Variants in CDC42EP3 observed in about 807,000 individuals in gnomAD.
The protein encoded by CDC42EP3 is CDC42 effector protein 3, also known as CDC42 effector protein (Rho GTPase binding) 3.
A neutral mutation model predicts 15.5 loss-of-function variants in CDC42EP3; 4 were observed. That is an observed-to-expected ratio of 0.26 (90% CI 0.13 to 0.59). CDC42EP3 has a LOEUF of 0.59. CDC42EP3 is among the 20% of genes least tolerant of loss of function. The pLI, the probability that CDC42EP3 is intolerant of heterozygous loss-of-function variation, is 0.89. For synonymous variants in CDC42EP3, 145 were observed against 130.3 expected (o/e 1.11, Z -0.77); for missense variants, 309 against 311.2 (o/e 0.99, Z 0.05).
intron 1 of CDC42EP3, among the ~76,000 whole-genome samples, chr2:37,650,766 T>C (rs1665647392): frequency 6.6e-6 from 1 of 152,192 alleles, no homozygotes; most frequent in Admixed American, 6.5e-5. Context: ...AAAACACAAA[T>C]GTGTGGCAAT....
chr2:37,654,564 G>A (rs1434927328), intron 1 of CDC42EP3, among the ~76,000 whole-genome samples: 2 of 152,076 alleles, frequency 1.3e-5, no homozygotes, highest in Non-Finnish European at 2.9e-5. Context: ...CAGCAAGTAT[G>A]GCCATGGGAT....
upstream of CDC42EP3, among the ~76,000 whole-genome samples, chr2:37,672,846 A>G (rs1203665743): frequency 6.6e-6 from 1 of 152,138 alleles, no homozygotes; most frequent in East Asian, 1.9e-4. Flanking sequence ...TTGCCGAGAG[A>G]TATCAGCTTC....
intron 1 of CDC42EP3, among the ~76,000 whole-genome samples, chr2:37,653,761 TAAA>T (rs60459309): frequency 6.1e-4 from 87 of 141,628 alleles, no homozygotes; most frequent in African/African-American, 2.1e-3. Context: ...AGAGAAAAAG[TAAA>T]AAAAAAAAAA....
intron 1 of CDC42EP3, among the ~76,000 whole-genome samples, chr2:37,655,566 G>C (rs987378609): frequency 6.7e-6 from 1 of 150,142 alleles, no homozygotes; most frequent in African/African-American, 2.4e-5. Context: ...GTTACAACAA[G>C]GCAGGAGGAG....
intron 1 of CDC42EP3, among the ~76,000 whole-genome samples, chr2:37,658,541 C>A (rs1252091954): frequency 6.6e-6 from 1 of 152,172 alleles, no homozygotes; most frequent in African/African-American, 2.4e-5. Flanking sequence ...TCCCTTGTCC[C>A]ATATAATACT....
chr2:37,649,490 A>G (rs1665596497), intron 1 of CDC42EP3, among the ~76,000 whole-genome samples: 2 of 150,350 alleles, frequency 1.3e-5, no homozygotes, highest in Non-Finnish European at 3.0e-5. Context: ...AAATCCCATG[A>G]AAATGTAGCC....
At chr2:37,648,717 T>G (rs552519627) in intron 1 of CDC42EP3, among the ~76,000 whole-genome samples, 2 of 152,266 alleles carry the variant, frequency 1.3e-5, no homozygotes, top group South Asian at 4.1e-4. Flanking sequence ...TAGCTCTAAT[T>G]TGGGTCTTGT....
In CDC42EP3 at chr2:37,645,390, AG is replaced by A. The variant is rs1201523759; in HGVS notation, c.*432del. 2 of 154,592 alleles carry A rather than the reference AG, an allele frequency of 1.3e-5. No individual in the cohort carries two copies. Among genetic ancestry groups the A allele is most frequent in the African/African-American group, 4.8e-5 (2 of 41,520 alleles). 9.6% of individuals were successfully genotyped at this position (154,592 alleles called of 1,614,324 possible). A position where few individuals can be genotyped will look rare whatever the true frequency, so the allele number is the denominator to read the frequency against. ...GCTATGGTGAGCCTAAGCAATATATAGAAAAGAGTCTACAAAAAGGCTTAGG... is the reference window on the plus strand; with the variant it reads ...GCTATGGTGAGCCTAAGCAATATATAAAAAGAGTCTACAAAAAGGCTTAGG... On this transcript the variant is annotated 3_prime_UTR_variant, in exon 2 of 2. Transcript: ENST00000295324.
At chr2:37,648,537 C>A (rs187303485) in intron 1 of CDC42EP3, among the ~76,000 whole-genome samples, 96 of 152,320 alleles carry the variant, frequency 6.3e-4, no homozygotes, top group African/African-American at 2.2e-3. Context: ...GCAACCCAGG[C>A]CGGAGAAGGC....
intron 1 of CDC42EP3, among the ~76,000 whole-genome samples, chr2:37,662,814 T>C (rs1463342929): frequency 6.6e-6 from 1 of 152,220 alleles, no homozygotes; most frequent in Non-Finnish European, 1.5e-5. Context: ...TGCTGCGACA[T>C]GCACAGAGTG....
chr2:37,665,879 G>C (rs1666233237), intron 1 of CDC42EP3, among the ~76,000 whole-genome samples: 1 of 152,122 alleles, frequency 6.6e-6, no homozygotes, highest in Non-Finnish European at 1.5e-5. Flanking sequence ...TGGAGCCAGA[G>C]ATTATCTGAG....
chr2:37,642,316 A>G lies in CDC42EP3; in HGVS notation c.*3507T>C, dbSNP rs1440780398. On this transcript the variant is annotated 3_prime_UTR_variant, in exon 2 of 2. Transcript: ENST00000295324. ...ATTTTGGGTATTCTGGCCTTCCTGA[A>G]TCTCATACAGCCAAACCAACCAGAA... 1 of 152,204 alleles carries G rather than the reference A, an allele frequency of 6.6e-6. No homozygotes were observed. The highest frequency in any genetic ancestry group is 2.4e-5 in the African/African-American group (1 of 41,448). The allele number at this position is 152,204 out of a possible 1,614,324, so 9.4% of individuals were successfully genotyped here.
rs537893823 is a variant in CDC42EP3, at chr2:37,660,579, C to T, written c.-236+10847G>A. Among the ~76,000 whole-genome samples, 6 of 152,008 alleles carry T rather than the reference C, an allele frequency of 3.9e-5. No homozygotes were observed. In the South Asian group the frequency reaches 1.2e-3, roughly 32 times the overall value. ...ACAAACAATCTAACATTTTTTTTCT[C>T]CTAAATTCTCTGTTGACCCACTTAC... is the stretch of plus-strand genomic sequence containing the variant. On this transcript the variant is annotated intron_variant, in intron 1 of 1. Transcript: ENST00000295324.
rs138555918 is a variant in CDC42EP3, at chr2:37,655,331, T to C, written c.-235-8509A>G. ...TATTGTTCTTTTACAACCCTGATTA[T>C]ATACAGACCCACAAATACCATATGT... On this transcript the variant is annotated intron_variant, in intron 1 of 1. Coordinates refer to ENST00000295324, the MANE Select transcript of CDC42EP3 (RefSeq NM_006449.5). Among the ~76,000 whole-genome samples, 958 of 152,352 alleles carry C rather than the reference T, an allele frequency of 6.3e-3. 12 individuals are homozygous for C. The highest frequency in any genetic ancestry group is 0.022 in the African/African-American group (925 of 41,574).
At chr2:37,663,548 G>C (rs1189553841) in intron 1 of CDC42EP3, among the ~76,000 whole-genome samples, 1 of 152,216 alleles carries the variant, frequency 6.6e-6, no homozygotes, top group African/African-American at 2.4e-5. Context: ...GAGATCTTGA[G>C]AAGGTTCCAG....
In CDC42EP3 at chr2:37,646,243, G is replaced by A; in HGVS notation, c.345C>T (p.Ser115=). The A allele has an allele frequency of 6.2e-7, 1 of 1,614,174 alleles. No individual in the cohort carries two copies. Among genetic ancestry groups the A allele is most frequent in the Non-Finnish European group, 8.5e-7 (1 of 1,180,024 alleles). Residue 115 remains serine (S), a synonymous_variant, in exon 2 of 2, where the codon TCC becomes TCT. Transcript: ENST00000295324. ...NAISLPTIGG[S]QALMLPLLSP... ...ACAATAAGGGCAACATGAGAGCTTG[G>A]GATCCTCCAATGGTCGGGAGGGAGA...
At chr2:37,651,759 C>T (rs965626077) in intron 1 of CDC42EP3, among the ~76,000 whole-genome samples, 2 of 152,146 alleles carry the variant, frequency 1.3e-5, no homozygotes, top group Non-Finnish European at 2.9e-5. Context: ...CAGGTGGAAT[C>T]GCCTGGGCCC....
At chr2:37,661,564 T>C (rs927753780) in intron 1 of CDC42EP3, among the ~76,000 whole-genome samples, 12 of 152,130 alleles carry the variant, frequency 7.9e-5, no homozygotes, top group African/African-American at 2.9e-4. Context: ...TGATGATGAA[T>C]AGAAGTCCTG....
intron 1 of CDC42EP3, among the ~76,000 whole-genome samples, chr2:37,650,950 AG>A: frequency 6.6e-6 from 1 of 152,382 alleles, no homozygotes; most frequent in Middle Eastern, 3.4e-3. Flanking sequence ...AGAAATAACA[AG>A]GCTGTTCAAA....
Sources: gnomAD v4.1 joint callset for allele counts (sites outside exome capture counted in the v4.1 genomes callset) on GRCh38, gnomAD v4.1.1 for gene constraint, MANE v1.5 for transcripts, NCBI Gene and HGNC (gene_info 2026-07-23, HGNC 2026-07-21) for gene names.